The following ERAP1 variants were observed in gnomAD, a reference collection of about 807,000 sequenced individuals.
ERAP1 encodes adipocyte-derived leucine aminopeptidase.
A neutral mutation model predicts 103.7 loss-of-function variants in ERAP1; 86 were observed. The ratio of observed to expected loss-of-function variants is 0.83; its 90% CI spans 0.70 to 0.99. ERAP1 has a LOEUF of 0.99. Among genes scored for constraint, ERAP1 ranks in the 50% least tolerant of loss-of-function variants. ERAP1 has a pLI of 0.00. For missense variants in ERAP1, 1,009 were observed against 1,128.4 expected (o/e 0.89, Z 1.52); for synonymous variants, 398 against 402.4 (o/e 0.99, Z 0.13).
chr5:96,854,221 A>G, the ERAP1 span, among the ~76,000 whole-genome samples: 3 of 152,366 alleles, frequency 2.0e-5, no homozygotes, highest in Non-Finnish European at 2.9e-5. Flanking sequence ...ATCAAATGAG[A>G]TGATCATGCA....
chr5:96,920,393 AT>A, the ERAP1 span, among the ~76,000 whole-genome samples: 2 of 151,856 alleles, frequency 1.3e-5, no homozygotes, highest in Non-Finnish European at 2.9e-5. Flanking sequence ...ATTCCTTGTT[AT>A]GACATTGAGC....
the ERAP1 span, among the ~76,000 whole-genome samples, chr5:96,818,413 A>C: frequency 1.5e-4 from 19 of 130,870 alleles, no homozygotes; most frequent in Admixed American, 8.2e-5. Flanking sequence ...GGCTGAAGCT[A>C]ACAGGGAAGC....
At chr5:96,839,544 C>G in the ERAP1 span, among the ~76,000 whole-genome samples, 3 of 152,340 alleles carry the variant, frequency 2.0e-5, no homozygotes, top group South Asian at 6.2e-4. Context: ...CAGCCAAATT[C>G]TTTAATACAC....
chr5:96,912,145 C>T, the ERAP1 span, among the ~76,000 whole-genome samples: 14 of 146,318 alleles, frequency 9.6e-5, no homozygotes, highest in East Asian at 2.2e-3. Flanking sequence ...GAGCCCAGAT[C>T]GCGCCACTGC....
the ERAP1 span, chr5:96,889,419 T>C: frequency 8.3e-7 from 1 of 1,207,928 alleles, no homozygotes; most frequent in Non-Finnish European, 1.2e-6. Flanking sequence ...TTCAGTTAGC[T>C]CAGGAAAAAA....
At chr5:96,914,141 C>T in the ERAP1 span, among the ~76,000 whole-genome samples, 2 of 111,526 alleles carry the variant, frequency 1.8e-5, no homozygotes, top group Non-Finnish European at 3.8e-5. Context: ...CTCTCTCTCT[C>T]TCTCTCTCAC....
chr5:96,816,902 C>T, the ERAP1 span, among the ~76,000 whole-genome samples: 1 of 152,144 alleles, frequency 6.6e-6, no homozygotes, highest in Non-Finnish European at 1.5e-5. Flanking sequence ...GAGATAAGAC[C>T]CCGGACCTCA....
At chr5:96,833,667 G>A in the ERAP1 span, among the ~76,000 whole-genome samples, 5 of 152,016 alleles carry the variant, frequency 3.3e-5, no homozygotes, top group Non-Finnish European at 7.4e-5. Context: ...GCATGGTGGT[G>A]CGTGCCTGTA....
At chr5:96,859,640 C>CA in the ERAP1 span, among the ~76,000 whole-genome samples, 1 of 152,168 alleles carries the variant, frequency 6.6e-6, no homozygotes, top group African/African-American at 2.4e-5. Context: ...AAGACCTTGG[C>CA]AAACCACTTA....
At chr5:96,873,923 G>C in the ERAP1 span, among the ~76,000 whole-genome samples, 1 of 152,022 alleles carries the variant, frequency 6.6e-6, no homozygotes, top group Non-Finnish European at 1.5e-5. Flanking sequence ...CAGGCTGACA[G>C]GATAGGCCTT....
the ERAP1 span, among the ~76,000 whole-genome samples, chr5:96,836,176 G>GTTTTTTTTTTTTTTTTTTTTTTTTTTTT: frequency 2.3e-4 from 25 of 106,678 alleles, no homozygotes; most frequent in Non-Finnish European, 3.3e-4. Context: ...CACCTCTTTG[G>GTTTTTTTTTTTTTTTTTTTTTTTTTTTT]TTTTTTTTTT....
the ERAP1 span, chr5:96,895,149 AC>A: frequency 3.0e-6 from 2 of 656,410 alleles, no homozygotes; most frequent in East Asian, 3.0e-5. Context: ...AGAGATCCTA[AC>A]TAATAAAAAA....
chr5:96,809,202 T>C (rs1779000339), upstream of ERAP1, among the ~76,000 whole-genome samples: 1 of 152,244 alleles, frequency 6.6e-6, no homozygotes, highest in Non-Finnish European at 1.5e-5. Flanking sequence ...TACTGCAACC[T>C]GTTTTATCAG....
the ERAP1 span, among the ~76,000 whole-genome samples, chr5:96,861,189 G>T: frequency 6.6e-6 from 1 of 152,180 alleles, no homozygotes; most frequent in African/African-American, 2.4e-5. Context: ...GTATGAACAA[G>T]GGCTTGTGCC....
chr5:96,797,082 G>T, intron 4 of ERAP1, 93 bp downstream of exon 4: 2 of 1,482,544 alleles, frequency 1.3e-6, no homozygotes, highest in Admixed American at 1.7e-5. Context: ...TTACACGCAC[G>T]ACCCACTGCG....
At chr5:96,833,144 C>T in the ERAP1 span, among the ~76,000 whole-genome samples, 1 of 152,280 alleles carries the variant, frequency 6.6e-6, no homozygotes, top group Non-Finnish European at 1.5e-5. Context: ...AAATACGCTA[C>T]TTTGTTACAG....
chr5:96,776,671 CA>C (rs1774360652), intron 18 of ERAP1, 120 bp from the exon 19 acceptor site: 3 of 1,405,732 alleles, frequency 2.1e-6, no homozygotes, highest in African/African-American at 2.9e-5. Flanking sequence ...AAGGCAGTCC[CA>C]GCTGTCTGAA....
chr5:96,883,353 T>C, the ERAP1 span, among the ~76,000 whole-genome samples: 2 of 152,186 alleles, frequency 1.3e-5, no homozygotes, highest in Non-Finnish European at 2.9e-5. Flanking sequence ...AAATACAACT[T>C]AGGACATCAC....
At chr5:96,820,649 A>G in the ERAP1 span, among the ~76,000 whole-genome samples, 1 of 151,946 alleles carries the variant, frequency 6.6e-6, no homozygotes, top group Admixed American at 6.6e-5. Context: ...TTTTTAAGCT[A>G]TGTTGTTTGC....
Sources: gnomAD v4.1 joint callset for allele counts (sites outside exome capture counted in the v4.1 genomes callset) on GRCh38, gnomAD v4.1.1 for gene constraint, MANE v1.5 for transcripts, NCBI Gene and HGNC (gene_info 2026-07-23, HGNC 2026-07-21) for gene names.